The following SNX25 variants were observed in gnomAD, a reference collection of about 807,000 sequenced individuals.
SNX25 encodes sorting nexin-25.
SNX25 carries 62 observed loss-of-function variants against 113.7 expected under a neutral mutation model. The observed-to-expected ratio is 0.55, with a 90% CI of 0.44 to 0.67. The LOEUF is 0.67. Among genes scored for constraint, SNX25 ranks in the 30% least tolerant of loss-of-function variants. The pLI is 0.00. For missense variants in SNX25, 1,014 were observed against 1,161.0 expected, an observed-to-expected ratio of 0.87 and a Z score of 1.84; for synonymous variants, 421 against 436.2, an observed-to-expected ratio of 0.97 and a Z score of 0.43.
intron 7 of SNX25, among the ~76,000 whole-genome samples, chr4:185,319,156 G>T (rs2095099416): frequency 1.5e-5 from 2 of 131,696 alleles, no homozygotes; most frequent in East Asian, 2.2e-4. Flanking sequence ...TGGAATTATT[G>T]GTGCAGACAT....
chr4:185,317,276 G>A (rs1288532), intron 7 of SNX25, among the ~76,000 whole-genome samples: 73,168 of 152,006 alleles, frequency 0.48, 17,668 homozygotes, highest in South Asian at 0.61. Flanking sequence ...ATGAGCTACC[G>A]TCTCACACCA....
chr4:185,212,258 G>A lies in SNX25; in HGVS notation c.429+2003G>A, dbSNP rs538075564. Reference sequence around the variant, plus strand: ...CTCGGAAAGTGTTAGGATTACAGGCGTGAGCCACTGTGCCTGGCCTAACCC... The same window carrying A: ...CTCGGAAAGTGTTAGGATTACAGGCATGAGCCACTGTGCCTGGCCTAACCC... On this transcript the variant is annotated intron_variant, in intron 1 of 18. Transcript: ENST00000652585. Among the ~76,000 whole-genome samples the A allele has an allele frequency of 2.7e-5, 4 of 150,622 alleles. 1 individual carries two copies. Among genetic ancestry groups the A allele is most frequent in the African/African-American group, 9.8e-5 (4 of 40,950 alleles).
intron 6 of SNX25, among the ~76,000 whole-genome samples, chr4:185,296,367 C>T (rs1752839848): frequency 6.6e-6 from 1 of 152,060 alleles, no homozygotes; most frequent in South Asian, 2.1e-4. Context: ...CAAAATAAGG[C>T]TTTTGAGGCT....
intron 7 of SNX25, among the ~76,000 whole-genome samples, chr4:185,313,613 T>C: frequency 6.6e-6 from 1 of 152,200 alleles, no homozygotes; most frequent in East Asian, 1.9e-4. Flanking sequence ...ATGCAATATA[T>C]CCCACAATTA....
intron 2 of SNX25, among the ~76,000 whole-genome samples, chr4:185,255,058 T>C (rs2126510401): frequency 6.6e-6 from 1 of 152,324 alleles, no homozygotes; most frequent in African/African-American, 2.4e-5. Flanking sequence ...TTTAAAGTAT[T>C]TTGTTGATAT....
At chr4:185,223,382 A>G (rs903651582) in intron 1 of SNX25, among the ~76,000 whole-genome samples, 3 of 152,194 alleles carry the variant, frequency 2.0e-5, no homozygotes, top group African/African-American at 4.8e-5. Context: ...CTGATTGCAC[A>G]TCAGTGGTGC....
intron 1 of SNX25, among the ~76,000 whole-genome samples, chr4:185,215,367 G>A (rs1228554585): frequency 6.6e-6 from 1 of 152,228 alleles, no homozygotes; most frequent in East Asian, 1.9e-4. Context: ...AGGGAGGACT[G>A]GATGGCAGAG....
upstream of SNX25, chr4:185,207,771 T>A (rs1267583336): frequency 2.0e-5 from 3 of 152,158 alleles, no homozygotes; most frequent in Admixed American, 6.5e-5. Flanking sequence ...TAGATGGAGA[T>A]AATGGTATCC....
intron 1 of SNX25, among the ~76,000 whole-genome samples, chr4:185,220,321 G>A (rs1221105873): frequency 6.6e-6 from 1 of 151,614 alleles, no homozygotes; most frequent in African/African-American, 2.4e-5. Flanking sequence ...TAGGGTACTT[G>A]TGCACAATGT....
chr4:185,241,189 T>C (rs1743905062), intron 1 of SNX25, among the ~76,000 whole-genome samples: 1 of 151,942 alleles, frequency 6.6e-6, no homozygotes, highest in Admixed American at 6.6e-5. Context: ...CTGGGCACCA[T>C]TGAGCACTGA....
chr4:185,329,893 C>A (rs1420683696), intron 9 of SNX25, among the ~76,000 whole-genome samples: 2 of 151,996 alleles, frequency 1.3e-5, no homozygotes, highest in Non-Finnish European at 1.5e-5. Context: ...AAGTGAGAGA[C>A]AAGACTGGGT....
chr4:185,280,713 G>T (rs1021724572), intron 5 of SNX25, among the ~76,000 whole-genome samples: 1 of 152,154 alleles, frequency 6.6e-6, no homozygotes, highest in Admixed American at 6.5e-5. Context: ...ACCCTTCTTT[G>T]TGCTTTCGTG....
chr4:185,320,614 T>C, intron 7 of SNX25, 119 bp from the exon 8 acceptor site: 1 of 655,770 alleles, frequency 1.5e-6, no homozygotes, highest in Non-Finnish European at 2.3e-6. Flanking sequence ...AAAATTTTAC[T>C]TTATTCCTTT....
chr4:185,314,621 AG>A (rs998857577), intron 7 of SNX25, among the ~76,000 whole-genome samples: 1 of 152,028 alleles, frequency 6.6e-6, no homozygotes, highest in African/African-American at 2.4e-5. Context: ...ACACTTTAGG[AG>A]GCTGAGGCAG....
intron 9 of SNX25, among the ~76,000 whole-genome samples, chr4:185,331,832 T>C (rs1045631240): frequency 5.3e-5 from 8 of 152,322 alleles, no homozygotes; most frequent in African/African-American, 1.9e-4. Flanking sequence ...CTATGACCAT[T>C]GGTACTTTAT....
At chr4:185,355,574 G>C (rs6820021) in intron 15 of SNX25, among the ~76,000 whole-genome samples, 34,856 of 152,146 alleles carry the variant, frequency 0.23, 4,208 homozygotes, top group African/African-American at 0.3. Context: ...ATAATGAAAA[G>C]TTGGAACTAA....
upstream of SNX25, chr4:185,209,591 A>G (rs1042616600): frequency 3.1e-6 from 1 of 323,724 alleles, no homozygotes; most frequent in Non-Finnish European, 4.4e-6. This position sits in a 1 kb window ranked among gnomAD's most constrained non-coding sequence, Gnocchi z 5.2. Flanking sequence ...CAGGCTGGCC[A>G]GGCTTCAGTC....
intron 1 of SNX25, among the ~76,000 whole-genome samples, chr4:185,224,571 G>T (rs976598139): frequency 1.3e-4 from 7 of 55,960 alleles, no homozygotes; most frequent in African/African-American, 2.4e-4. Flanking sequence ...ATATATAAGT[G>T]TATATAAATA....
At chr4:185,374,139 T>A (rs1413881514), downstream of SNX25, 1 of 1,613,486 alleles carries the variant, frequency 6.2e-7, no homozygotes, top group Non-Finnish European at 8.5e-7. Flanking sequence ...CGTTACCTTT[T>A]CTAACTCCTT....
Sources: gnomAD v4.1 joint callset for allele counts (sites outside exome capture counted in the v4.1 genomes callset) on GRCh38, gnomAD v4.1.1 for gene constraint, Gnocchi (gnomAD v3.1) non-coding constraint, MANE v1.5 for transcripts, NCBI Gene and HGNC (gene_info 2026-07-23, HGNC 2026-07-21) for gene names.